Variants in LTBP1 observed in about 807,000 individuals in gnomAD.
LTBP1 encodes latent-transforming growth factor beta-binding protein 1.
A neutral mutation model predicts 207.6 loss-of-function variants in LTBP1; 129 were observed. The observed-to-expected ratio is 0.62, with a 90% CI of 0.54 to 0.72. LTBP1 has a LOEUF of 0.72. Among genes scored for constraint, LTBP1 ranks in the 30% least tolerant of loss-of-function variants. LTBP1 has a pLI of 0.00. For synonymous variants in LTBP1, 963 were observed against 833.7 expected, an observed-to-expected ratio of 1.16 and a Z score of -2.67; for missense variants, 2,281 against 2,217.2, an observed-to-expected ratio of 1.03 and a Z score of -0.58.
chr2:32,993,421 A>ACT (rs1372382761), intron 2 of LTBP1, among the ~76,000 whole-genome samples: 3 of 151,350 alleles, frequency 2.0e-5, no homozygotes, highest in Non-Finnish European at 2.9e-5. Context: ...ATGCACACAC[A>ACT]CTCTCTCTCT....
chr2:33,127,743 T>C (rs2081519744), intron 4 of LTBP1, among the ~76,000 whole-genome samples: 1 of 152,078 alleles, frequency 6.6e-6, no homozygotes, highest in South Asian at 2.1e-4. Flanking sequence ...GGTTGAAACA[T>C]TTGGTTGTGC....
intron 3 of LTBP1, among the ~76,000 whole-genome samples, chr2:33,055,732 T>G (rs1382872149): frequency 6.6e-6 from 1 of 152,188 alleles, no homozygotes; most frequent in African/African-American, 2.4e-5. Context: ...ATCTGAAAAC[T>G]TCCCCAGGTC....
intron 15 of LTBP1, among the ~76,000 whole-genome samples, chr2:33,266,330 G>C (rs772970150): frequency 6.6e-6 from 1 of 152,200 alleles, no homozygotes; most frequent in South Asian, 2.1e-4. Flanking sequence ...GCTCAGTGTG[G>C]GCTTGCAGGT....
At chr2:33,231,834 G>A (rs912453451) in intron 9 of LTBP1, among the ~76,000 whole-genome samples, 1 of 152,144 alleles carries the variant, frequency 6.6e-6, no homozygotes, top group African/African-American at 2.4e-5. Flanking sequence ...TTTGTGATAC[G>A]TGCTGGGAAA....
intron 19 of LTBP1, among the ~76,000 whole-genome samples, chr2:33,282,977 C>T (rs543312097): frequency 2.0e-5 from 3 of 148,952 alleles, no homozygotes; most frequent in African/African-American, 7.5e-5. Flanking sequence ...GCAGGAGAAT[C>T]GCTTGAACCT....
At chr2:33,231,670 C>A (rs529759158) in intron 9 of LTBP1, among the ~76,000 whole-genome samples, 2 of 152,172 alleles carry the variant, frequency 1.3e-5, no homozygotes, top group South Asian at 2.1e-4. Context: ...GCAGGTGAGA[C>A]CCCCAAGAAA....
At chr2:33,082,077 G>A (rs747972516) in intron 3 of LTBP1, among the ~76,000 whole-genome samples, 1 of 152,198 alleles carries the variant, frequency 6.6e-6, no homozygotes, top group Non-Finnish European at 1.5e-5. Context: ...GTCTTAAGAG[G>A]TGGGATCTTT....
At chr2:33,051,527 A>T (rs1558566354) in intron 3 of LTBP1, among the ~76,000 whole-genome samples, 1 of 152,074 alleles carries the variant, frequency 6.6e-6, no homozygotes, top group Non-Finnish European at 1.5e-5. Context: ...CTTCATTCTG[A>T]CTGTGGTGGT....
At chr2:33,284,709 A>G (rs2093629247) in intron 19 of LTBP1, among the ~76,000 whole-genome samples, 1 of 152,182 alleles carries the variant, frequency 6.6e-6, no homozygotes, top group South Asian at 2.1e-4. Context: ...ACTCTCTAAT[A>G]TTTAATTATT....
chr2:33,161,919 T>G (rs1215862679), intron 5 of LTBP1, among the ~76,000 whole-genome samples: 1 of 152,188 alleles, frequency 6.6e-6, no homozygotes, highest in Non-Finnish European at 1.5e-5. Flanking sequence ...CCCATGGCTT[T>G]TGAATTGTTT....
intron 2 of LTBP1, among the ~76,000 whole-genome samples, chr2:33,014,121 A>G (rs1688025360): frequency 1.3e-5 from 2 of 152,238 alleles, no homozygotes; most frequent in African/African-American, 2.4e-5. Flanking sequence ...ATAGATTTTC[A>G]TAAGGATGAA....
At chr2:33,110,875 C>A (rs1248232681) in intron 4 of LTBP1, 124 bp downstream of exon 4, 4 of 942,548 alleles carry the variant, frequency 4.2e-6, no homozygotes, top group African/African-American at 1.7e-5. Flanking sequence ...AAAAAATCCA[C>A]ATTGGTTCCT....
intron 26 of LTBP1, among the ~76,000 whole-genome samples, chr2:33,354,672 A>G (rs2149902425): frequency 6.9e-6 from 1 of 144,074 alleles, no homozygotes; most frequent in East Asian, 2.0e-4. Flanking sequence ...CAAAGTGACA[A>G]ACTAAAACTA....
intron 2 of LTBP1, among the ~76,000 whole-genome samples, chr2:33,011,863 A>T (rs186165297): frequency 1.3e-5 from 2 of 151,806 alleles, no homozygotes; most frequent in African/African-American, 4.8e-5. Context: ...AGTGGGGTCT[A>T]TTCCCATTTT....
chr2:32,947,583 A>T lies in LTBP1; in HGVS notation c.259A>T (p.Thr87Ser). 1 of 1,319,298 alleles carries T rather than the reference A, an allele frequency of 7.6e-7. No homozygotes were observed. The highest frequency in any genetic ancestry group is 3.2e-5 in the East Asian group (1 of 31,130). 81.7% of individuals were successfully genotyped at this position (1,319,298 alleles called of 1,614,324 possible). The change falls in exon 1 of 34, where the codon ACG (threonine) becomes TCG (serine). Residue 87 changes from threonine to serine, a missense_variant. This residue lies in a region of LTBP1 where 555 missense variants were observed against 491.0 expected (regional missense o/e 1.13). Transcript: ENST00000404816. Reference sequence around the variant, plus strand: ...GGTCCCCTCGGAGAGGACCCGGCGCACGAGCAAGCCGGGCGGCGCGGCCCT... The same window carrying T: ...GGTCCCCTCGGAGAGGACCCGGCGCTCGAGCAAGCCGGGCGGCGCGGCCCT... ...PGVPSERTRR[T>S]SKPGGAALQG... is the part of the protein sequence containing the mutation.
Position 33,262,764 on chromosome 2 carries a change from G to C in LTBP1, c.2461G>C (p.Gly821Arg). ...LDQEKTKLEPGQPQLSPGIST... is the reference protein window; with the variant it reads ...LDQEKTKLEPRQPQLSPGIST... ...TCAAGAGAAAACCAAACTTGAGCCTGGTCAACCCCAGCTGTCTCCAGGCAT... is the reference window on the plus strand; with the variant it reads ...TCAAGAGAAAACCAAACTTGAGCCTCGTCAACCCCAGCTGTCTCCAGGCAT... The change falls in exon 14 of 34, where the codon GGT becomes CGT. Residue 821 changes from glycine (G) to arginine (R), a missense_variant. Physicochemically the swap from Gly to Arg is moderately radical, Grantham distance 125 (BLOSUM62 -2). Transcript: ENST00000404816. The C allele has an allele frequency of 6.2e-7, 1 of 1,605,460 alleles. No individual in the cohort carries two copies. The highest frequency in any genetic ancestry group is 8.5e-7 in the Non-Finnish European group (1 of 1,174,884).
intron 7 of LTBP1, among the ~76,000 whole-genome samples, chr2:33,191,815 T>C (rs1255817822): frequency 6.6e-6 from 1 of 152,238 alleles, no homozygotes; most frequent in East Asian, 1.9e-4. Context: ...AGACTTTCAA[T>C]GCAATAGTTA....
At chr2:33,214,407 C>T (rs1278853686) in intron 7 of LTBP1, among the ~76,000 whole-genome samples, 3 of 152,300 alleles carry the variant, frequency 2.0e-5, no homozygotes, top group Admixed American at 2.0e-4. Flanking sequence ...CCCGTTTGTT[C>T]TCACGTTGGA....
chr2:33,010,183 A>T (rs1357744456), intron 2 of LTBP1, among the ~76,000 whole-genome samples: 1 of 152,112 alleles, frequency 6.6e-6, no homozygotes, highest in Non-Finnish European at 1.5e-5. Flanking sequence ...AGGACCAAGA[A>T]CTCCCACTGG....
Sources: allele counts gnomAD v4.1 joint callset (sites outside exome capture counted in the v4.1 genomes callset), GRCh38; gene constraint gnomAD v4.1.1; regional missense constraint gnomAD v4.1.1; transcripts MANE v1.5; gene names NCBI Gene and HGNC (gene_info 2026-07-23, HGNC 2026-07-21).